The following LRP2 variants were observed in gnomAD, a reference collection of about 807,000 sequenced individuals.
The protein encoded by LRP2 is low-density lipoprotein receptor-related protein 2.
In LRP2, 172 loss-of-function variants were observed where a neutral mutation model predicts 531.0. The ratio of observed to expected loss-of-function variants is 0.32; its 90% confidence interval spans 0.29 to 0.37. LRP2 has a LOEUF of 0.37. LRP2 is among the 10% of genes least tolerant of loss of function. The pLI is 1.00. For missense variants in LRP2, 5,167 were observed against 5,868.3 expected (o/e 0.88, Z 3.90); for synonymous variants, 1,992 against 2,027.6 (o/e 0.98, Z 0.47).
At chr2:169,173,857 C>T in intron 56 of LRP2, 62 bp downstream of exon 56, 1 of 1,609,434 alleles carries the variant, frequency 6.2e-7, no homozygotes, top group Non-Finnish European at 8.5e-7. Flanking sequence ...TCTCAGTCCC[C>T]ATGGAAGTTT....
chr2:169,154,296 CA>C (rs1686253071), intron 66 of LRP2, among the ~76,000 whole-genome samples, 163 bp downstream of exon 66: 1 of 152,178 alleles, frequency 6.6e-6, no homozygotes, highest in African/African-American at 2.4e-5. Flanking sequence ...GGCTGGGATT[CA>C]AGGCCACGCT....
At chr2:169,311,296 G>T (rs951559255) in intron 3 of LRP2, among the ~76,000 whole-genome samples, 17 of 152,242 alleles carry the variant, frequency 1.1e-4, no homozygotes, top group Non-Finnish European at 2.1e-4. Flanking sequence ...TGATGTTAGG[G>T]TGTCAATTTT....
intron 55 of LRP2, among the ~76,000 whole-genome samples, chr2:169,174,400 C>T (rs1367206880): frequency 6.6e-6 from 1 of 152,192 alleles, no homozygotes; most frequent in Non-Finnish European, 1.5e-5. Flanking sequence ...GAACTGAACA[C>T]CCTGACCTGT....
rs564385616 is a variant in LRP2, at chr2:169,203,142, C to T, written c.8006-183G>A. Among the ~76,000 whole-genome samples, 8 of 152,236 alleles carry T rather than the reference C, an allele frequency of 5.3e-5. No individual in the cohort carries two copies. The South Asian group carries it at 1.0e-3, about 20-fold the overall frequency. On this transcript the variant is annotated intron_variant, in intron 42 of 78. Coordinates refer to ENST00000649046, the MANE Select transcript of LRP2 (RefSeq NM_004525.3). ...ACTTTTCCATCAAGAAGAGCAATCA[C>T]CAATTTCTAATAAATGTGCCGATTC...
intron 60 of LRP2, 34 bp downstream of exon 60, chr2:169,169,668 G>T: frequency 1.3e-6 from 2 of 1,503,454 alleles, no homozygotes; most frequent in South Asian, 2.3e-5. Context: ...ATGCTCTCAG[G>T]TAAGCAGTAC....
At chr2:169,156,055 C>T (rs1242355522) in intron 65 of LRP2, among the ~76,000 whole-genome samples, 1 of 151,894 alleles carries the variant, frequency 6.6e-6, no homozygotes, top group Non-Finnish European at 1.5e-5. Flanking sequence ...GTTTTAATTG[C>T]TACATATTTG....
intron 1 of LRP2, among the ~76,000 whole-genome samples, chr2:169,327,619 G>A (rs1685123600): frequency 8.6e-6 from 1 of 115,818 alleles, no homozygotes; most frequent in Non-Finnish European, 1.8e-5. Flanking sequence ...GAAGTGAGGA[G>A]CCCCTCTGCC....
In LRP2 at chr2:169,277,810, C is replaced by A; in HGVS notation, c.1707G>T (p.Lys569Asn). 1 of 1,614,126 alleles carries A rather than the reference C, an allele frequency of 6.2e-7. No homozygotes were observed. The highest frequency in any genetic ancestry group is 8.5e-7 in the Non-Finnish European group (1 of 1,180,012). Residue 569 changes from lysine (K) to asparagine (N), a missense_variant, in exon 13 of 79, where the codon AAG becomes AAT. Lys to Asn is a moderately conservative substitution (Grantham distance 94). This residue lies in a region of LRP2 where 2,811 missense variants were observed against 3,058.0 expected (regional missense o/e 0.92). Transcript: ENST00000649046. ...PAGVTLDMIS[K>N]RVYWVDSRFD... is the part of the protein sequence containing the mutation. ...ACCGAGAGTCAACCCAGTAAACACG[C>A]TTCGATATCATATCCAGAGTTACCC... is the stretch of plus-strand genomic sequence containing the variant.
At chr2:169,261,577 A>G (rs1357979006) in intron 16 of LRP2, among the ~76,000 whole-genome samples, 1 of 152,018 alleles carries the variant, frequency 6.6e-6, no homozygotes, top group African/African-American at 2.4e-5. Context: ...ACAGAGTTTA[A>G]CCACTGACTA....
At chr2:169,153,116 A>G in intron 66 of LRP2, 152 bp from the exon 67 acceptor site, 1 of 761,544 alleles carries the variant, frequency 1.3e-6, no homozygotes, top group South Asian at 1.5e-5. Context: ...TGACATCAGT[A>G]TAATCAAACT....
intron 13 of LRP2, among the ~76,000 whole-genome samples, chr2:169,276,128 A>T (rs1334828366): frequency 6.6e-6 from 1 of 152,198 alleles, no homozygotes; most frequent in East Asian, 1.9e-4. Flanking sequence ...AAAGGGGAGT[A>T]AACAAAGAAA....
At chr2:169,155,684 T>TC (rs1276678343) in intron 65 of LRP2, among the ~76,000 whole-genome samples, 1 of 151,370 alleles carries the variant, frequency 6.6e-6, no homozygotes, top group East Asian at 1.9e-4. Context: ...CTTTCTCTGT[T>TC]TTATTAGGCC....
Position 169,152,484 on chromosome 2 carries a change from CT to C in LRP2, c.12461+314del, listed in dbSNP as rs769333726. Among the ~76,000 whole-genome samples the C allele has an allele frequency of 2.6e-5, 4 of 152,234 alleles. 1 individual carries two copies. ...ATCCAGAACTCTGTTGGCAAGAATG[CT>C]ATTCACTTATAGTAAATATAATATT... On this transcript the variant is annotated intron_variant, in intron 67 of 78. Transcript: ENST00000649046.
At chr2:169,284,413 C>T (rs536511288) in intron 9 of LRP2, among the ~76,000 whole-genome samples, 12 of 151,572 alleles carry the variant, frequency 7.9e-5, no homozygotes, top group South Asian at 2.1e-4. Flanking sequence ...TACAGGTGTG[C>T]GCCACCACAC....
intron 4 of LRP2, among the ~76,000 whole-genome samples, chr2:169,299,748 T>C (rs1684242160): frequency 6.6e-6 from 1 of 152,096 alleles, no homozygotes; most frequent in South Asian, 2.1e-4. Context: ...CATACTTTAG[T>C]AGTTATTCCC....
chr2:169,165,677 A>G (rs1379585031), intron 62 of LRP2, among the ~76,000 whole-genome samples: 2 of 152,248 alleles, frequency 1.3e-5, no homozygotes, highest in Non-Finnish European at 2.9e-5. Flanking sequence ...GGGAAGGCTT[A>G]TTAAATGTTC....
At chr2:169,284,694 A>C (rs1304990995) in intron 9 of LRP2, among the ~76,000 whole-genome samples, 1 of 152,170 alleles carries the variant, frequency 6.6e-6, no homozygotes, top group African/African-American at 2.4e-5. Flanking sequence ...TCTGGACACT[A>C]CCAAGTGAAA....
rs1687605294 is a variant in LRP2, at chr2:169,185,567, T to C, written c.9781A>G (p.Lys3261Glu). 1 of 1,613,914 alleles carries C rather than the reference T, an allele frequency of 6.2e-7. No individual in the cohort carries two copies. The highest frequency in any genetic ancestry group is 1.3e-5 in the African/African-American group (1 of 74,930). ...IERMFLNKTN[K>E]ETIINHRLPA... ...AGTCTGTGGTTTATGATTGTCTCCT[T>C]GTTTGTCTTATTCAGAAACATTCTC... The change falls in exon 50 of 79, where the codon AAG becomes GAG. Residue 3261 changes from lysine (K) to glutamate (E), a missense_variant. Physicochemically the swap from Lys to Glu is moderately conservative, Grantham distance 56. Coordinates refer to ENST00000649046, the MANE Select transcript of LRP2 (RefSeq NM_004525.3).
Position 169,220,434 on chromosome 2 carries a change from T to C in LRP2, c.5648+20A>G. ...AGAACAATGCTGCATGGAAGACACG[T>C]GCCATTTATGAATACTCACCCACGA... On this transcript the variant is annotated intron_variant, in intron 34 of 78. Transcript: ENST00000649046. The C allele has an allele frequency of 1.3e-6, 2 of 1,551,674 alleles. No homozygotes were observed. The highest frequency in any genetic ancestry group is 1.8e-6 in the Non-Finnish European group (2 of 1,123,364).
Sources: allele counts gnomAD v4.1 joint callset (sites outside exome capture counted in the v4.1 genomes callset), GRCh38; gene constraint gnomAD v4.1.1; regional missense constraint gnomAD v4.1.1; transcripts MANE v1.5; gene names NCBI Gene and HGNC (gene_info 2026-07-23, HGNC 2026-07-21).